Variants in AK9 observed in about 807,000 individuals in gnomAD.
AK9 encodes adenylate kinase 9, also known as adenylate kinase domain containing 1.
A neutral mutation model predicts 239.6 loss-of-function variants in AK9; 191 were observed. That is an observed-to-expected ratio of 0.80 (90% CI 0.71 to 0.90). The LOEUF (loss-of-function observed/expected upper bound fraction) is 0.90. AK9 is among the 40% of genes least tolerant of loss of function. The pLI is 0.00. For missense variants in AK9, 1,995 were observed against 2,214.7 expected, an observed-to-expected ratio of 0.90 and a Z score of 1.99; for synonymous variants, 689 against 721.0, an observed-to-expected ratio of 0.96 and a Z score of 0.71.
At chr6:109,622,012 T>G (rs1169480978) in intron 12 of AK9, among the ~76,000 whole-genome samples, 6 of 144,968 alleles carry the variant, frequency 4.1e-5, no homozygotes, top group Admixed American at 1.4e-4. Context: ...CATCATAGCC[T>G]AGTTTATAGT....
intron 27 of AK9, among the ~76,000 whole-genome samples, chr6:109,535,931 C>T (rs1781919902): frequency 6.6e-6 from 1 of 151,984 alleles, no homozygotes; most frequent in Admixed American, 6.6e-5. Context: ...TGTGGTATTA[C>T]CTCTGAGGGC....
intron 17 of AK9, among the ~76,000 whole-genome samples, chr6:109,588,177 T>TCTC (rs1215504458): frequency 1.3e-5 from 2 of 152,088 alleles, no homozygotes; most frequent in Admixed American, 6.5e-5. Flanking sequence ...TTCACGCCAT[T>TCTC]CTCCTGCCTC....
intron 21 of AK9, among the ~76,000 whole-genome samples, chr6:109,571,216 T>C (rs1787375316): frequency 6.6e-6 from 1 of 152,174 alleles, no homozygotes. Context: ...GAAATCCAAA[T>C]GGAATTATCA....
chr6:109,576,414 T>A (rs12214639), intron 20 of AK9, among the ~76,000 whole-genome samples: 2 of 131,910 alleles, frequency 1.5e-5, no homozygotes, highest in South Asian at 2.5e-4. Flanking sequence ...TATATACATA[T>A]ATATACTTTT....
chr6:109,553,626 A>AT (rs1428882718), intron 24 of AK9, among the ~76,000 whole-genome samples: 1 of 152,140 alleles, frequency 6.6e-6, no homozygotes, highest in African/African-American at 2.4e-5. Context: ...TATTCTAGAT[A>AT]TAAAATCATG....
At chr6:109,650,664 T>C (rs1352318276) in intron 8 of AK9, among the ~76,000 whole-genome samples, 1 of 152,212 alleles carries the variant, frequency 6.6e-6, no homozygotes, top group Non-Finnish European at 1.5e-5. Flanking sequence ...ATTGTGAAAG[T>C]CAGTGTTGTG....
chr6:109,638,652 TA>T (rs1399059694), intron 10 of AK9, among the ~76,000 whole-genome samples: 5 of 152,158 alleles, frequency 3.3e-5, no homozygotes, highest in Admixed American at 2.0e-4. Flanking sequence ...GTTAATTTTT[TA>T]AAAAAATTTT....
chr6:109,633,054 A>G lies in AK9; in HGVS notation c.1123T>C (p.Phe375Leu). The change falls in exon 12 of 41, where the codon TTT becomes CTT. Residue 375 changes from phenylalanine to leucine, a missense_variant. By Grantham distance (22) the Phe-to-Leu change is conservative. Transcript: ENST00000424296. ...CLSSEEALKP[F>L]LLNPRPYLLP... ...AGATAGGGACGTGGGTTCAACAAAA[A>G]TGGTTTTAATGCTTCTTCTGATGAA... 1 of 1,559,388 alleles carries G rather than the reference A, an allele frequency of 6.4e-7. No individual in the cohort carries two copies. Among genetic ancestry groups the G allele is most frequent in the Non-Finnish European group, 8.6e-7 (1 of 1,161,068 alleles).
chr6:109,587,724 T>C (rs1163898464), intron 17 of AK9, among the ~76,000 whole-genome samples: 1 of 152,202 alleles, frequency 6.6e-6, no homozygotes, highest in Non-Finnish European at 1.5e-5. Flanking sequence ...TTCCGCGGCA[T>C]TGTTATTGTT....
At chr6:109,616,763 G>A (rs1403775204) in intron 13 of AK9, among the ~76,000 whole-genome samples, 1 of 151,942 alleles carries the variant, frequency 6.6e-6, no homozygotes, top group Non-Finnish European at 1.5e-5. Context: ...TTTAAAGATG[G>A]TCAGTATCAC....
intron 29 of AK9, among the ~76,000 whole-genome samples, chr6:109,520,475 T>TATGTG (rs1779732530): frequency 1.3e-5 from 2 of 152,146 alleles, no homozygotes; most frequent in Non-Finnish European, 2.9e-5. Flanking sequence ...TCCATTGGTC[T>TATGTG]ATGTGTCTGT....
In AK9 at chr6:109,527,404, A is replaced by G. The variant is rs538434513; in HGVS notation, c.3633+1607T>C. Reference sequence around the variant, plus strand: ...CAAGTCACAGAACTGCATATTCTGCATAAGAAGGCAAATGTGAGAAACCCC... The same window carrying G: ...CAAGTCACAGAACTGCATATTCTGCGTAAGAAGGCAAATGTGAGAAACCCC... On this transcript the variant is annotated intron_variant, in intron 29 of 40. Coordinates refer to ENST00000424296, the MANE Select transcript of AK9 (RefSeq NM_001145128.3). Among the ~76,000 whole-genome samples, 45 of 152,336 alleles carry G rather than the reference A, an allele frequency of 3.0e-4. No homozygotes were observed. The South Asian group carries it at 5.0e-3, about 17-fold the overall frequency.
intron 17 of AK9, among the ~76,000 whole-genome samples, chr6:109,597,266 C>A (rs1480619135): frequency 6.6e-6 from 1 of 152,184 alleles, no homozygotes; most frequent in African/African-American, 2.4e-5. Context: ...TTGAAAGTGA[C>A]TCTATCAGTA....
intron 17 of AK9, among the ~76,000 whole-genome samples, chr6:109,591,553 G>A (rs981908984): frequency 2.0e-5 from 3 of 152,040 alleles, no homozygotes; most frequent in South Asian, 2.1e-4. Context: ...TGATAGCCTC[G>A]TCATGTTAAT....
At chr6:109,540,656 C>G (rs896693997) in intron 27 of AK9, among the ~76,000 whole-genome samples, 2 of 152,190 alleles carry the variant, frequency 1.3e-5, no homozygotes, top group Non-Finnish European at 2.9e-5. Context: ...CCTGGTACCT[C>G]AGTTGGAAAT....
At chr6:109,586,136 A>T in intron 17 of AK9, 64 bp from the exon 18 acceptor site, 1 of 1,294,780 alleles carries the variant, frequency 7.7e-7, no homozygotes, top group Non-Finnish European at 1.0e-6. Flanking sequence ...CAACCTTGAT[A>T]TGTAATTTTT....
At chr6:109,675,592 T>C (rs1562597983) in intron 2 of AK9, 37 bp downstream of exon 2, 2 of 1,255,450 alleles carry the variant, frequency 1.6e-6, no homozygotes, top group Middle Eastern at 5.5e-4. Flanking sequence ...ATTTTAAAAA[T>C]AAAAAAAATT....
In AK9 at chr6:109,653,372, A is replaced by G. The variant is rs560564300; in HGVS notation, c.759+3384T>C. Among the ~76,000 whole-genome samples the G allele has an allele frequency of 3.0e-4, 45 of 152,312 alleles. 1 individual carries two copies. Among genetic ancestry groups the G allele is most frequent in the African/African-American group, 9.9e-4 (41 of 41,560 alleles). On this transcript the variant is annotated intron_variant, in intron 8 of 40. Coordinates refer to ENST00000424296, the MANE Select transcript of AK9 (RefSeq NM_001145128.3). Reference sequence around the variant, plus strand: ...TATCTTAGCTTTTAAATTTCTGCCAAACTGAGTTAAAAAACGGAATCAGTT... The same window carrying G: ...TATCTTAGCTTTTAAATTTCTGCCAGACTGAGTTAAAAAACGGAATCAGTT...
At chr6:109,680,513 C>A (rs933463331) in intron 1 of AK9, among the ~76,000 whole-genome samples, 10 of 152,200 alleles carry the variant, frequency 6.6e-5, no homozygotes, top group Non-Finnish European at 1.2e-4. Context: ...AGAATGGAAT[C>A]AAGTTGGAAA....
Sources: allele counts gnomAD v4.1 joint callset (sites outside exome capture counted in the v4.1 genomes callset), GRCh38; gene constraint gnomAD v4.1.1; transcripts MANE v1.5; gene names NCBI Gene and HGNC (gene_info 2026-07-23, HGNC 2026-07-21).